The following RIOK2 variants were observed in gnomAD, a reference collection of about 807,000 sequenced individuals.
RIOK2 encodes serine/threonine-protein kinase RIO2.
A neutral mutation model predicts 62.4 loss-of-function variants in RIOK2; 46 were observed. That is an observed-to-expected ratio of 0.74 (90% CI 0.58 to 0.94). The LOEUF is 0.94. Ranked by LOEUF, RIOK2 falls within the 40% of genes least tolerant of loss-of-function variation. The pLI is 0.00. For missense variants in RIOK2, 574 were observed against 658.0 expected (o/e 0.87, Z 1.40); for synonymous variants, 197 against 216.0 (o/e 0.91, Z 0.77).
At position 97,168,837 on chromosome 5, in the gene RIOK2, A is replaced by T. The variant is rs769243381; in HGVS notation, c.795T>A (p.Asp265Glu). The change falls in exon 7 of 10, where the codon GAT (aspartate) becomes GAA (glutamate). Residue 265 changes from aspartate (D) to glutamate (E), a missense_variant. Asp to Glu is a conservative substitution (Grantham distance 45, BLOSUM62 2). Coordinates refer to ENST00000283109, the MANE Select transcript of RIOK2 (RefSeq NM_018343.3). Reference sequence around the variant, plus strand: ...TAAAGAAATCTTTAATGCATTTAACATCTCTGTCAAAATACCTGCAAAAGC... The same window carrying T: ...TAAAGAAATCTTTAATGCATTTAACTTCTCTGTCAAAATACCTGCAAAAGC... ...HPNAEWYFDR[D>E]VKCIKDFFMK... 11 of 1,588,612 alleles carry T rather than the reference A, an allele frequency of 6.9e-6. No individual in the cohort carries two copies. The South Asian group carries it at 1.3e-4, about 18-fold the overall frequency.
At chr5:97,176,650 T>A (rs1021293375) in intron 4 of RIOK2, among the ~76,000 whole-genome samples, 2 of 152,214 alleles carry the variant, frequency 1.3e-5, no homozygotes, top group African/African-American at 4.8e-5. Flanking sequence ...TTTACCATTT[T>A]TAATATACAT....
chr5:97,163,353 G>T, intron 9 of RIOK2, 128 bp from the exon 10 acceptor site: 1 of 746,350 alleles, frequency 1.3e-6, no homozygotes, highest in East Asian at 2.7e-5. Context: ...GTACTATATA[G>T]AAACTGTTAT....
intron 6 of RIOK2, among the ~76,000 whole-genome samples, chr5:97,170,924 C>T (rs760003744): frequency 2.6e-5 from 4 of 151,756 alleles, no homozygotes; most frequent in African/African-American, 4.8e-5. Context: ...GAGGCCGAGG[C>T]GGGTGGATCA....
intron 8 of RIOK2, chr5:97,166,806 A>C (rs1425416481): frequency 2.0e-6 from 2 of 985,728 alleles, no homozygotes; most frequent in African/African-American, 3.5e-5. Flanking sequence ...ACATAACTCA[A>C]ACACACATCA....
At position 97,163,196 on chromosome 5, in the gene RIOK2, C is replaced by A. The variant is rs1355450543; in HGVS notation, c.1524G>T (p.Gln508His). Reference protein sequence around the residue: ...PELVKQKVKRQLTKQQKSAVR... With the variant: ...PELVKQKVKRHLTKQQKSAVR... ...CAGCTGATTTTTGCTGTTTTGTCAA[C>A]TGACGTTTCACCTTCTGTTTCACCA... is the stretch of plus-strand genomic sequence containing the variant. The change falls in exon 10 of 10, where the codon CAG becomes CAT. Residue 508 changes from glutamine to histidine, a missense_variant. Coordinates refer to ENST00000283109, the MANE Select transcript of RIOK2 (RefSeq NM_018343.3). 6.2e-7 allele frequency: 1 copy of A among 1,613,640 alleles called. No individual in the cohort carries two copies. The highest frequency in any genetic ancestry group is 8.5e-7 in the Non-Finnish European group (1 of 1,179,876).
chr5:97,173,215 G>T lies in RIOK2; in HGVS notation c.547C>A (p.Arg183Ser), dbSNP rs1261196019. ...ATGAGTTCCATGACCACTGCATGAC[G>T]ATTGTAATCAATTGGCTTTGGAACT... ...FPVPKPIDYN[R>S]HAVVMELING... Residue 183 changes from arginine (R) to serine (S), a missense_variant, in exon 5 of 10, where the codon CGT becomes AGT. Physicochemically the swap from Arg to Ser is moderately radical, Grantham distance 110. Coordinates refer to ENST00000283109, the MANE Select transcript of RIOK2 (RefSeq NM_018343.3). 4 of 1,613,112 alleles carry T rather than the reference G, an allele frequency of 2.5e-6. No individual in the cohort carries two copies. The South Asian group carries it at 4.4e-5, about 18-fold the overall frequency.
intron 4 of RIOK2, among the ~76,000 whole-genome samples, chr5:97,174,508 C>A (rs1749109502): frequency 1.3e-5 from 2 of 152,098 alleles, no homozygotes; most frequent in Non-Finnish European, 2.9e-5. Context: ...CTTTAATCCA[C>A]CTGTACAGTC....
chr5:97,163,909 T>C (rs1035961192), intron 9 of RIOK2, among the ~76,000 whole-genome samples: 2 of 152,086 alleles, frequency 1.3e-5, no homozygotes, highest in Admixed American at 1.3e-4. Context: ...CTTTTTTTTT[T>C]TGAGACAGGG....
At chr5:97,163,351 T>C (rs1011371012) in intron 9 of RIOK2, 126 bp from the exon 10 acceptor site, 3 of 750,428 alleles carry the variant, frequency 4.0e-6, no homozygotes, top group Non-Finnish European at 4.3e-6. Context: ...CAGTACTATA[T>C]AGAAACTGTT....
At chr5:97,177,911 G>C (rs991550311) in intron 2 of RIOK2, 63 bp from the exon 3 acceptor site, 3 of 972,974 alleles carry the variant, frequency 3.1e-6, no homozygotes, top group Non-Finnish European at 4.7e-6. Context: ...AGTCACGTAA[G>C]TTCAAGTCAT....
chr5:97,177,356 A>G (rs745857241), intron 3 of RIOK2, 65 bp from the exon 4 acceptor site: 18 of 1,361,612 alleles, frequency 1.3e-5, no homozygotes, highest in Non-Finnish European at 1.8e-5. Context: ...AAACAATTCT[A>G]ACTTTCTCTA....
chr5:97,167,750 C>G lies in RIOK2; in HGVS notation c.1114G>C (p.Asp372His). 6.2e-7 allele frequency: 1 copy of G among 1,614,144 alleles called. No homozygotes were observed. Among genetic ancestry groups the G allele is most frequent in the East Asian group, 2.2e-5 (1 of 44,880 alleles). ...CTGTCTTCCTTTATTTGTTCAGGGT[C>G]TCCAGATGATCTGCAATAGCAGCCC... ...SEGCYCRSSGDPEQIKEDSLS... is the reference protein window; with the variant it reads ...SEGCYCRSSGHPEQIKEDSLS... Residue 372 changes from aspartate (D) to histidine (H), a missense_variant, in exon 8 of 10, where the codon GAC becomes CAC. Asp to His is a moderately conservative substitution (Grantham distance 81). Coordinates refer to ENST00000283109, the MANE Select transcript of RIOK2 (RefSeq NM_018343.3).
At chr5:97,172,665 G>A (rs1749045630) in intron 5 of RIOK2, among the ~76,000 whole-genome samples, 2 of 152,142 alleles carry the variant, frequency 1.3e-5, no homozygotes, top group Non-Finnish European at 2.9e-5. Context: ...TCTCTTCTCT[G>A]CTCAAAATAC....
At chr5:97,175,307 T>C (rs1468891703) in intron 4 of RIOK2, among the ~76,000 whole-genome samples, 2 of 152,226 alleles carry the variant, frequency 1.3e-5, no homozygotes, top group Non-Finnish European at 2.9e-5. Context: ...TAGACCATTT[T>C]GAGCATACCT....
rs531036338 is a variant in RIOK2 at position 97,163,121 on chromosome 5, A to G, written c.1599T>C (p.Arg533=). 2.8e-5 allele frequency: 45 copies of G among 1,613,478 alleles called. No individual in the cohort carries two copies. The East Asian group carries it at 9.2e-4, about 33-fold the overall frequency. ...KGEANIFTKQ[R]RENMQNIKSS... is the part of the protein sequence containing the mutation. ...ATTTGATATTTTGCATGTTTTCCCTACGTTGCTTGGTAAATATATTTGCTT... is the reference window on the plus strand; with the variant it reads ...ATTTGATATTTTGCATGTTTTCCCTGCGTTGCTTGGTAAATATATTTGCTT... Residue 533 remains arginine (R), a synonymous_variant, in exon 10 of 10, where the codon CGT becomes CGC. Transcript: ENST00000283109.
intron 9 of RIOK2, among the ~76,000 whole-genome samples, chr5:97,164,327 C>T (rs1203060520): frequency 6.6e-6 from 1 of 151,974 alleles, no homozygotes; most frequent in East Asian, 2.0e-4. Context: ...ATGGTGAAAC[C>T]TTGTCTCTAC....
At chr5:97,177,598 T>A in intron 3 of RIOK2, 134 bp downstream of exon 3, 1 of 640,254 alleles carries the variant, frequency 1.6e-6, no homozygotes, top group Admixed American at 2.9e-5. Flanking sequence ...CCTTCTGATT[T>A]GTACTGCTTC....
At chr5:97,164,238 C>T (rs571305419) in intron 9 of RIOK2, among the ~76,000 whole-genome samples, 2 of 151,922 alleles carry the variant, frequency 1.3e-5, no homozygotes, top group South Asian at 4.2e-4. Context: ...CAGTGGCTCA[C>T]GCCTGAAATC....
intron 7 of RIOK2, 151 bp from the exon 8 acceptor site, chr5:97,168,142 A>T: frequency 1.4e-6 from 1 of 731,712 alleles, no homozygotes; most frequent in East Asian, 2.8e-5. Context: ...GTAATATTTA[A>T]ATGACACAGG....
Sources: allele counts gnomAD v4.1 joint callset (sites outside exome capture counted in the v4.1 genomes callset), GRCh38; gene constraint gnomAD v4.1.1; transcripts MANE v1.5; gene names NCBI Gene and HGNC (gene_info 2026-07-23, HGNC 2026-07-21).